Variants in B3GALT1 observed in about 807,000 individuals in gnomAD.
B3GALT1 encodes the protein UDP-Gal:betaGlcNAc beta 1,3-galactosyltransferase, polypeptide 1.
B3GALT1 carries 10 observed loss-of-function variants against 23.2 expected under a neutral mutation model. The ratio of observed to expected loss-of-function variants is 0.43; its 90% confidence interval spans 0.27 to 0.73. B3GALT1 has a LOEUF of 0.73. Ranked by LOEUF, B3GALT1 falls within the 30% of genes least tolerant of loss-of-function variation. The pLI, the probability that B3GALT1 is intolerant of heterozygous loss-of-function variation, is 0.21. For missense variants in B3GALT1, 299 were observed against 405.4 expected (o/e 0.74, Z 2.25); for synonymous variants, 156 against 141.5 (o/e 1.10, Z -0.73).
chr2:167,533,300 T>C (rs967244344), intron 2 of B3GALT1, among the ~76,000 whole-genome samples: 61 of 151,926 alleles, frequency 4.0e-4, no homozygotes, highest in African/African-American at 1.4e-3. Context: ...TGTAGGTTTC[T>C]CATATGTACT....
At chr2:167,419,946 C>CAT (rs1698522267) in intron 1 of B3GALT1, among the ~76,000 whole-genome samples, 4 of 152,130 alleles carry the variant, frequency 2.6e-5, no homozygotes, top group Non-Finnish European at 5.9e-5. Flanking sequence ...CTAAGGAAAA[C>CAT]ATATTACTTT....
chr2:167,400,120 A>G (rs1226127280), intron 1 of B3GALT1, among the ~76,000 whole-genome samples: 16 of 150,578 alleles, frequency 1.1e-4, no homozygotes, highest in African/African-American at 2.9e-4. Context: ...TAGTCTCTGT[A>G]AGATTTTCTC....
intron 1 of B3GALT1, among the ~76,000 whole-genome samples, chr2:167,325,752 G>C (rs9751663): frequency 0.86 from 126,667 of 146,986 alleles, 54,532 homozygotes; most frequent in Middle Eastern, 0.93. Context: ...GATTCTTGCT[G>C]TGTTGCCTAG....
chr2:167,725,873 A>G (rs971558897), intron 3 of B3GALT1, among the ~76,000 whole-genome samples: 2 of 152,218 alleles, frequency 1.3e-5, no homozygotes, highest in Admixed American at 1.3e-4. Context: ...AAGTCAAACC[A>G]ATTAAAGTGA....
chr2:167,761,897 G>A (rs1285624576), intron 3 of B3GALT1, among the ~76,000 whole-genome samples: 2 of 152,138 alleles, frequency 1.3e-5, no homozygotes, highest in Non-Finnish European at 2.9e-5. Context: ...AAATGTCCAA[G>A]TTCTAAATAA....
intron 3 of B3GALT1, chr2:167,715,483 G>A: frequency 6.2e-7 from 1 of 1,607,618 alleles, no homozygotes; most frequent in South Asian, 1.1e-5. Context: ...GAAGAATCTT[G>A]CAGATGATTT....
At chr2:167,401,579 T>C (rs1340899234) in intron 1 of B3GALT1, among the ~76,000 whole-genome samples, 2 of 152,140 alleles carry the variant, frequency 1.3e-5, no homozygotes, top group African/African-American at 4.8e-5. Flanking sequence ...CCCTCACTAA[T>C]TCACTGCATC....
chr2:167,441,761 C>A (rs1698896833), intron 1 of B3GALT1, among the ~76,000 whole-genome samples: 1 of 151,748 alleles, frequency 6.6e-6, no homozygotes, highest in Non-Finnish European at 1.5e-5. Context: ...GGCAGGGGGG[C>A]ATGCACCTGT....
chr2:167,296,932 A>C (rs907185200), intron 1 of B3GALT1, among the ~76,000 whole-genome samples: 1 of 152,094 alleles, frequency 6.6e-6, no homozygotes, highest in African/African-American at 2.4e-5. Context: ...ATCTCTTTCC[A>C]TCTCATTTTC....
At chr2:167,863,211 A>G (rs540974872) in intron 4 of B3GALT1, among the ~76,000 whole-genome samples, 1 of 151,494 alleles carries the variant, frequency 6.6e-6, no homozygotes, top group East Asian at 1.9e-4. Context: ...TGAGTTTTCC[A>G]GGAAGGAGAC....
At chr2:167,484,701 G>C in intron 1 of B3GALT1, among the ~76,000 whole-genome samples, 1 of 152,110 alleles carries the variant, frequency 6.6e-6, no homozygotes, top group Admixed American at 6.6e-5. Flanking sequence ...ACCCTTAGAG[G>C]CAATAGGTGG....
At chr2:167,537,238 C>G (rs1315327238) in intron 2 of B3GALT1, among the ~76,000 whole-genome samples, 2 of 152,088 alleles carry the variant, frequency 1.3e-5, no homozygotes, top group Non-Finnish European at 2.9e-5. Context: ...TCTCATGAGA[C>G]TTATTCATTC....
At chr2:167,601,827 A>G (rs544948000) in intron 2 of B3GALT1, among the ~76,000 whole-genome samples, 1 of 152,340 alleles carries the variant, frequency 6.6e-6, no homozygotes, top group African/African-American at 2.4e-5. Context: ...TCAACCCTTC[A>G]CTTCAACATA....
chr2:167,814,954 CATG>C, intron 3 of B3GALT1: 1 of 152,204 alleles, frequency 6.6e-6, no homozygotes, highest in Non-Finnish European at 1.5e-5. Context: ...AAGATATCAA[CATG>C]ATGTCATTGA....
intron 1 of B3GALT1, among the ~76,000 whole-genome samples, chr2:167,345,374 C>T (rs1279995285): frequency 6.6e-6 from 1 of 151,942 alleles, no homozygotes; most frequent in African/African-American, 2.4e-5. Context: ...ACTGACCACC[C>T]TAAAAAAAGA....
intron 3 of B3GALT1, among the ~76,000 whole-genome samples, chr2:167,694,377 T>C (rs991048684): frequency 1.3e-5 from 2 of 152,146 alleles, no homozygotes; most frequent in Non-Finnish European, 2.9e-5. Flanking sequence ...ATTTTTGGCT[T>C]ATACCTCAAG....
chr2:167,781,405 G>A (rs1317285707), intron 3 of B3GALT1, among the ~76,000 whole-genome samples: 1 of 152,118 alleles, frequency 6.6e-6, no homozygotes, highest in Non-Finnish European at 1.5e-5. Context: ...CTTTCTCAAA[G>A]CCAGGGGTTC....
In B3GALT1 at chr2:167,389,920, A is replaced by G. The variant is rs1253872824; in HGVS notation, c.-511+96586A>G. 3.0e-3 allele frequency among the ~76,000 whole-genome samples: 415 copies of G among 136,076 alleles called. 1 individual carries two copies. Among genetic ancestry groups the G allele is most frequent in the African/African-American group, 0.012 (392 of 32,860 alleles). The allele number at this position is 136,076 out of a possible 152,430, so 89.3% of individuals were successfully genotyped here. ...AGGGATACCCTGTCCAAAAAAAAAA[A>G]AAAACAAAAAAAAAAAAGAAAGAAA... On this transcript the variant is annotated intron_variant, in intron 1 of 4. Coordinates refer to ENST00000392690, the MANE Select transcript of B3GALT1 (RefSeq NM_020981.4).
intron 2 of B3GALT1, among the ~76,000 whole-genome samples, chr2:167,589,727 G>GA (rs1262793829): frequency 6.6e-6 from 1 of 151,798 alleles, no homozygotes; most frequent in African/African-American, 2.4e-5. Context: ...ATATTATTTT[G>GA]AAAAAATCAC....
Sources: allele counts gnomAD v4.1 joint callset (sites outside exome capture counted in the v4.1 genomes callset), GRCh38; gene constraint gnomAD v4.1.1; transcripts MANE v1.5; gene names NCBI Gene and HGNC (gene_info 2026-07-23, HGNC 2026-07-21).